The following SOX5 variants were observed in gnomAD, a reference collection of about 807,000 sequenced individuals.
SOX5 encodes SRY-box transcription factor 5, also known as transcription factor SOX-5.
Under a neutral mutation model 92.0 loss-of-function variants are expected in SOX5, and 9 were observed. That is an observed-to-expected ratio of 0.10 (90% CI 0.06 to 0.17). The LOEUF is 0.17. SOX5 is among the 10% of genes least tolerant of loss of function. SOX5 has a pLI of 1.00. For synonymous variants in SOX5, 344 were observed against 336.3 expected, an observed-to-expected ratio of 1.02 and a Z score of -0.25; for missense variants, 642 against 944.5, an observed-to-expected ratio of 0.68 and a Z score of 4.20.
At chr12:23,938,453 A>G (rs190770813) in intron 1 of SOX5, among the ~76,000 whole-genome samples, 3 of 151,196 alleles carry the variant, frequency 2.0e-5, no homozygotes, top group Admixed American at 2.0e-4. Flanking sequence ...ATGTTTGTAC[A>G]AAGAATACTT....
intron 4 of SOX5, among the ~76,000 whole-genome samples, chr12:24,124,657 T>G (rs1355690780): frequency 6.6e-6 from 1 of 152,104 alleles, no homozygotes; most frequent in Non-Finnish European, 1.5e-5. Flanking sequence ...TCTTTTACTT[T>G]GAAAAGAAGA....
intron 3 of SOX5, among the ~76,000 whole-genome samples, chr12:23,831,957 TAC>T (rs61053165): frequency 0.19 from 27,580 of 142,736 alleles, 2,637 homozygotes; most frequent in African/African-American, 0.21. Flanking sequence ...AAAGGGGAAC[TAC>T]ACACACACAC....
chr12:23,694,019 C>G (rs2089373158), intron 6 of SOX5, among the ~76,000 whole-genome samples: 1 of 152,088 alleles, frequency 6.6e-6, no homozygotes, highest in African/African-American at 2.4e-5. Flanking sequence ...TACTGCTTTG[C>G]TCTGAAAGAT....
At chr12:23,863,126 G>A (rs147933905) in intron 2 of SOX5, among the ~76,000 whole-genome samples, 4 of 152,166 alleles carry the variant, frequency 2.6e-5, no homozygotes, top group Admixed American at 2.0e-4. Flanking sequence ...TGAATACTGC[G>A]AATTTTTCAT....
intron 2 of SOX5, among the ~76,000 whole-genome samples, chr12:24,328,091 AT>A (rs1950918414): frequency 6.6e-6 from 1 of 152,190 alleles, no homozygotes; most frequent in African/African-American, 2.4e-5. Flanking sequence ...TACAAATGTG[AT>A]TTACAATAAA....
At position 24,280,677 on chromosome 12, in the gene SOX5, C is replaced by G. The variant is rs183910729; in HGVS notation, c.-173-3365G>C. Among the ~76,000 whole-genome samples the G allele has an allele frequency of 2.6e-5, 4 of 152,174 alleles. No individual in the cohort carries two copies. In the East Asian group the frequency reaches 7.7e-4, roughly 29 times the overall value. On this transcript the variant is annotated intron_variant, in intron 2 of 4. Transcript: ENST00000446891. ...AGGGTATTTCATTTACCAGATACAGCAGGGACACAATCACAAAAGGTGACT... is the reference window on the plus strand; with the variant it reads ...AGGGTATTTCATTTACCAGATACAGGAGGGACACAATCACAAAAGGTGACT...
intron 7 of SOX5, among the ~76,000 whole-genome samples, chr12:23,664,907 A>G (rs1281067731): frequency 1.3e-5 from 2 of 152,162 alleles, no homozygotes. Context: ...GACCTAACTT[A>G]AGTCAAGTCA....
At chr12:24,058,984 G>A (rs986469689) in intron 4 of SOX5, among the ~76,000 whole-genome samples, 2 of 152,094 alleles carry the variant, frequency 1.3e-5, no homozygotes, top group African/African-American at 4.8e-5. Flanking sequence ...ATTGTGAATA[G>A]TCTATAGCCA....
chr12:23,630,629 A>G (rs370080648), intron 8 of SOX5, among the ~76,000 whole-genome samples: 11 of 152,012 alleles, frequency 7.2e-5, no homozygotes, highest in East Asian at 5.8e-4. Context: ...GGTATTTGAG[A>G]AATAATACAT....
At chr12:23,716,556 A>G (rs1479746685) in intron 6 of SOX5, among the ~76,000 whole-genome samples, 1 of 152,226 alleles carries the variant, frequency 6.6e-6, no homozygotes, top group Non-Finnish European at 1.5e-5. Context: ...AAACACCAAC[A>G]AGAAATTTTT....
intron 1 of SOX5, among the ~76,000 whole-genome samples, chr12:24,505,421 T>A (rs1269786867): frequency 1.3e-5 from 2 of 152,206 alleles, no homozygotes; most frequent in Non-Finnish European, 2.9e-5. Flanking sequence ...CTTGAGATGT[T>A]ACTGAATTAT....
chr12:23,634,881 C>A (rs989510401), intron 8 of SOX5, among the ~76,000 whole-genome samples: 1 of 152,022 alleles, frequency 6.6e-6, no homozygotes, highest in Non-Finnish European at 1.5e-5. Context: ...GCTATTTGAG[C>A]AAAATAGATG....
At chr12:24,139,792 T>G (rs1188540386) in intron 4 of SOX5, among the ~76,000 whole-genome samples, 1 of 152,196 alleles carries the variant, frequency 6.6e-6, no homozygotes, top group African/African-American at 2.4e-5. Context: ...AGGAAACTGC[T>G]TGGGGTGTTA....
intron 4 of SOX5, among the ~76,000 whole-genome samples, chr12:24,009,999 T>C (rs1172121846): frequency 6.6e-6 from 1 of 152,212 alleles, no homozygotes; most frequent in East Asian, 1.9e-4. Flanking sequence ...CGTGTTCCCA[T>C]TAGCTGGTAT....
At chr12:24,181,146 G>T (rs1044435885) in intron 4 of SOX5, among the ~76,000 whole-genome samples, 1 of 152,152 alleles carries the variant, frequency 6.6e-6, no homozygotes, top group Non-Finnish European at 1.5e-5. Flanking sequence ...TGGTATACTG[G>T]TCTCAACTAT....
chr12:23,713,984 C>G (rs924050810), intron 6 of SOX5, among the ~76,000 whole-genome samples: 1 of 150,474 alleles, frequency 6.6e-6, no homozygotes, highest in African/African-American at 2.4e-5. Context: ...CCCAGCTACT[C>G]GCAAAGCTGA....
At chr12:23,905,136 A>G (rs1011741716) in intron 1 of SOX5, among the ~76,000 whole-genome samples, 4 of 152,242 alleles carry the variant, frequency 2.6e-5, no homozygotes, top group African/African-American at 9.6e-5. Flanking sequence ...TTTTGAAATA[A>G]TGTACCTAAA....
At chr12:23,582,312 A>T in intron 9 of SOX5, 1 of 983,420 alleles carries the variant, frequency 1.0e-6, no homozygotes, top group Non-Finnish European at 1.2e-6. Context: ...ACAAACAAGT[A>T]TCATGAGGAT....
chr12:24,265,148 G>A lies in SOX5; in HGVS notation c.-77+12068C>T, dbSNP rs530968581. 1.9e-3 allele frequency among the ~76,000 whole-genome samples: 283 copies of A among 152,132 alleles called. 3 individuals are homozygous for A. The highest frequency in any genetic ancestry group is 6.1e-3 in the African/African-American group (253 of 41,518). Reference sequence around the variant, plus strand: ...TGAGTTTCAATATATTGAAATTTTCGAAAAACAATTTGTTCCTCTAGATTT... The same window carrying A: ...TGAGTTTCAATATATTGAAATTTTCAAAAAACAATTTGTTCCTCTAGATTT... On this transcript the variant is annotated intron_variant, in intron 3 of 4. Transcript: ENST00000446891.
Sources: allele counts gnomAD v4.1 joint callset (sites outside exome capture counted in the v4.1 genomes callset), GRCh38; gene constraint gnomAD v4.1.1; transcripts MANE v1.5; gene names NCBI Gene and HGNC (gene_info 2026-07-23, HGNC 2026-07-21).